Variants in SNX29 observed in about 807,000 individuals in gnomAD.
SNX29 encodes the protein sorting nexin-29.
In SNX29, 78 loss-of-function variants were observed where a neutral mutation model predicts 102.1. The observed-to-expected ratio is 0.76, with a 90% CI of 0.64 to 0.92. The LOEUF (loss-of-function observed/expected upper bound fraction) is 0.92. Ranked by LOEUF, SNX29 falls within the 40% of genes least tolerant of loss-of-function variation. SNX29 has a pLI of 0.00. For synonymous variants in SNX29, 580 were observed against 414.5 expected (o/e 1.40, Z -4.85); for missense variants, 1,280 against 1,061.7 (o/e 1.21, Z -2.86).
Position 12,366,677 on chromosome 16 carries a change from T to C in SNX29, c.1899+10398T>C, listed in dbSNP as rs142987821. ...CCTCTGCCACCTGGGCTGTCTCTTA[T>C]ATTCTGCATTTTCTCCCACTCTCTC... On this transcript the variant is annotated intron_variant, in intron 16 of 20. Transcript: ENST00000566228. 7.5e-3 allele frequency among the ~76,000 whole-genome samples: 1,149 copies of C among 152,344 alleles called. 18 individuals are homozygous for C. The highest frequency in any genetic ancestry group is 0.025 in the African/African-American group (1,046 of 41,584).
intron 9 of SNX29, 36 bp downstream of exon 9, chr16:12,061,682 G>T (rs2050782304): frequency 1.3e-6 from 2 of 1,563,246 alleles, no homozygotes; most frequent in Non-Finnish European, 1.7e-6. Flanking sequence ...CCTCCAATAA[G>T]AGCTTTGGCT....
chr16:12,186,112 G>A (rs2076503669), intron 13 of SNX29, among the ~76,000 whole-genome samples: 2 of 152,072 alleles, frequency 1.3e-5, no homozygotes, highest in Non-Finnish European at 2.9e-5. Context: ...TGGCTTTATA[G>A]TACCAGTTAT....
intron 20 of SNX29, among the ~76,000 whole-genome samples, chr16:12,561,698 A>T (rs80289760): frequency 0.012 from 1,818 of 151,894 alleles, 51 homozygotes; most frequent in South Asian, 0.11. Flanking sequence ...CTTTTCCCCA[A>T]CTCCCCAGTG....
chr16:12,469,909 C>G (rs1421731900), intron 18 of SNX29, among the ~76,000 whole-genome samples: 1 of 152,202 alleles, frequency 6.6e-6, no homozygotes, highest in African/African-American at 2.4e-5. Flanking sequence ...ACTTAGGAGG[C>G]TGAGGCAGGC....
chr16:11,992,159 T>C (rs1458166065), intron 1 of SNX29, among the ~76,000 whole-genome samples: 1 of 151,990 alleles, frequency 6.6e-6, no homozygotes, highest in Non-Finnish European at 1.5e-5. Context: ...CCCAGTGTGG[T>C]GGTGCATGCC....
chr16:12,077,989 C>T (rs745743940), intron 10 of SNX29, among the ~76,000 whole-genome samples: 2 of 152,142 alleles, frequency 1.3e-5, no homozygotes, highest in Admixed American at 6.6e-5. Context: ...TTTAAAGACA[C>T]CTTGTTTAAT....
At chr16:12,313,021 GTTTT>G (rs35304053) in intron 15 of SNX29, among the ~76,000 whole-genome samples, 1 of 145,882 alleles carries the variant, frequency 6.9e-6, no homozygotes, top group Non-Finnish European at 1.5e-5. Context: ...TTTGTTTTCT[GTTTT>G]TTTTTTTTAG....
intron 20 of SNX29, among the ~76,000 whole-genome samples, chr16:12,532,062 T>C: frequency 6.6e-6 from 1 of 152,076 alleles, no homozygotes; most frequent in East Asian, 1.9e-4. Context: ...TGGGTCGCCG[T>C]TTACAGGAAC....
chr16:12,304,860 C>G (rs1481344140), intron 15 of SNX29, among the ~76,000 whole-genome samples: 1 of 152,222 alleles, frequency 6.6e-6, no homozygotes, highest in Non-Finnish European at 1.5e-5. Flanking sequence ...TTTACGAGAA[C>G]ATTCTGGAAA....
intron 20 of SNX29, among the ~76,000 whole-genome samples, chr16:12,564,500 C>T (rs1201209413): frequency 1.3e-5 from 2 of 152,206 alleles, no homozygotes; most frequent in Admixed American, 6.5e-5. Flanking sequence ...AGTGTCTTAA[C>T]AGAAGGAACT....
intron 17 of SNX29, among the ~76,000 whole-genome samples, chr16:12,401,158 G>A (rs894248894): frequency 6.6e-6 from 1 of 151,990 alleles, no homozygotes; most frequent in African/African-American, 2.4e-5. Context: ...ATAATGGATA[G>A]GATAACTAGA....
chr16:12,558,449 T>C (rs1199465829), intron 20 of SNX29, among the ~76,000 whole-genome samples: 1 of 152,238 alleles, frequency 6.6e-6, no homozygotes, highest in Admixed American at 6.5e-5. Context: ...GGTAGACTTC[T>C]GTATGAACTT....
At position 12,403,430 on chromosome 16, in the gene SNX29, T is replaced by G; in HGVS notation, c.1956-18T>G. ...TTAAAATGTCTAATGTTGGTCTCTC[T>G]CTCTTCCTTTTGGTTAGATCAAACC... is the stretch of plus-strand genomic sequence containing the variant. On this transcript the variant is annotated intron_variant, in intron 17 of 20. Transcript: ENST00000566228. 1 of 1,594,352 alleles carries G rather than the reference T, an allele frequency of 6.3e-7. No homozygotes were observed.
chr16:12,219,385 T>G (rs1019342113), intron 14 of SNX29, among the ~76,000 whole-genome samples: 2 of 152,162 alleles, frequency 1.3e-5, no homozygotes, highest in East Asian at 3.9e-4. Flanking sequence ...GACACAACCT[T>G]CTGGGAACAA....
chr16:12,561,598 A>G (rs1249000458), intron 20 of SNX29, among the ~76,000 whole-genome samples: 4 of 152,082 alleles, frequency 2.6e-5, no homozygotes, highest in Non-Finnish European at 4.4e-5. Context: ...CATGCTGGTG[A>G]CAGGACACAA....
chr16:12,229,539 C>T (rs184778019), intron 14 of SNX29, among the ~76,000 whole-genome samples: 29 of 152,070 alleles, frequency 1.9e-4, no homozygotes, highest in Non-Finnish European at 3.7e-4. Context: ...CAGATGGCCC[C>T]AAATAAACCT....
At chr16:11,991,346 G>A (rs967210866) in intron 1 of SNX29, among the ~76,000 whole-genome samples, 6 of 152,182 alleles carry the variant, frequency 3.9e-5, no homozygotes, top group Admixed American at 3.3e-4. Flanking sequence ...GCTAGGAACA[G>A]CAACTGAGGC....
chr16:12,395,076 CA>C (rs2083670822), intron 16 of SNX29, among the ~76,000 whole-genome samples: 1 of 152,148 alleles, frequency 6.6e-6, no homozygotes, highest in Admixed American at 6.6e-5. Context: ...ACGGCTTTGG[CA>C]AATTGGCTGA....
intron 14 of SNX29, among the ~76,000 whole-genome samples, chr16:12,273,186 G>A (rs989719058): frequency 6.6e-6 from 1 of 152,054 alleles, no homozygotes; most frequent in Non-Finnish European, 1.5e-5. Flanking sequence ...GTCTCTCCTG[G>A]TGCCTTCTGG....
Sources: gnomAD v4.1 joint callset for allele counts (sites outside exome capture counted in the v4.1 genomes callset) on GRCh38, gnomAD v4.1.1 for gene constraint, MANE v1.5 for transcripts, NCBI Gene and HGNC (gene_info 2026-07-23, HGNC 2026-07-21) for gene names.